The following AGBL1 variants were observed in gnomAD, a reference collection of about 807,000 sequenced individuals.
AGBL1 encodes cytosolic carboxypeptidase 4.
AGBL1 carries 130 observed loss-of-function variants against 118.9 expected under a neutral mutation model. That is an observed-to-expected ratio of 1.09 (90% CI 0.95 to 1.26). The LOEUF (loss-of-function observed/expected upper bound fraction) is 1.26. AGBL1 is among the 50% of genes most tolerant of loss of function. The pLI, the probability that AGBL1 is intolerant of heterozygous loss-of-function variation, is 0.00. For missense variants in AGBL1, 1,584 were observed against 1,298.1 expected, an observed-to-expected ratio of 1.22 and a Z score of -3.38; for synonymous variants, 555 against 478.9, an observed-to-expected ratio of 1.16 and a Z score of -2.08.
chr15:86,115,538 C>A (rs932884784), intron 1 of AGBL1, among the ~76,000 whole-genome samples: 11 of 152,076 alleles, frequency 7.2e-5, no homozygotes, highest in African/African-American at 2.4e-4. Context: ...TTTGTAAAGG[C>A]CGGAGGTAGT....
At chr15:86,152,723 C>A (rs574452837) in intron 3 of AGBL1, among the ~76,000 whole-genome samples, 6 of 152,136 alleles carry the variant, frequency 3.9e-5, no homozygotes, top group Non-Finnish European at 7.4e-5. Context: ...TCAGAGTGAA[C>A]AGGCATCCTA....
At chr15:86,978,215 T>A (rs944426038) in intron 23 of AGBL1, among the ~76,000 whole-genome samples, 1 of 152,124 alleles carries the variant, frequency 6.6e-6, no homozygotes, top group Non-Finnish European at 1.5e-5. Flanking sequence ...AAATGCCATA[T>A]ACAGACTTGC....
At chr15:86,157,286 A>G (rs16948762) in intron 4 of AGBL1, among the ~76,000 whole-genome samples, 9,731 of 152,230 alleles carry the variant, frequency 0.064, 484 homozygotes, top group East Asian at 0.25. Context: ...GCATACACCC[A>G]TCTCTAATAA....
intron 17 of AGBL1, among the ~76,000 whole-genome samples, chr15:86,359,387 C>CTTTTTTTTTTTTTTTT (rs56189861): frequency 3.2e-5 from 3 of 93,788 alleles, no homozygotes; most frequent in East Asian, 7.0e-4. Context: ...TATTGGTTTT[C>CTTTTTTTTTTTTTTTT]TTTTTTTTTT....
At chr15:86,731,198 G>T (rs115999329) in intron 22 of AGBL1, among the ~76,000 whole-genome samples, 90 of 152,190 alleles carry the variant, frequency 5.9e-4, no homozygotes, top group African/African-American at 2.0e-3. Flanking sequence ...ATTGAATTAT[G>T]TTCATAGCCT....
At chr15:86,439,600 A>G (rs1383504316) in intron 18 of AGBL1, among the ~76,000 whole-genome samples, 6 of 152,232 alleles carry the variant, frequency 3.9e-5, no homozygotes, top group Admixed American at 2.6e-4. Context: ...AGGAGTCAGC[A>G]AAGATCACTA....
In AGBL1 at chr15:86,939,957, C is replaced by G. The variant is rs77666586; in HGVS notation, c.3222-48030C>G. On this transcript the variant is annotated intron_variant, in intron 23 of 24. Coordinates refer to the AGBL1 transcript ENST00000441037. ...CCCAGGTGGAACCATTATTGATTCA[C>G]CACAGCCTTGACCTCCCAGGCTCAA... is the stretch of plus-strand genomic sequence containing the variant. Among the ~76,000 whole-genome samples the G allele has an allele frequency of 5.0e-3, 758 of 151,320 alleles. 3 individuals are homozygous for G. Among genetic ancestry groups the G allele is most frequent in the Non-Finnish European group, 7.4e-3 (500 of 67,834 alleles).
At chr15:86,726,758 T>A (rs2086824599) in intron 22 of AGBL1, among the ~76,000 whole-genome samples, 2 of 152,106 alleles carry the variant, frequency 1.3e-5, no homozygotes, top group African/African-American at 4.8e-5. Flanking sequence ...TCTCACTATG[T>A]TGCTAAGGCT....
At chr15:86,517,858 G>A (rs758738362) in intron 18 of AGBL1, among the ~76,000 whole-genome samples, 1 of 152,120 alleles carries the variant, frequency 6.6e-6, no homozygotes, top group Non-Finnish European at 1.5e-5. Flanking sequence ...TGCAGTGTCT[G>A]GCCGATAGTC....
chr15:86,477,034 G>A (rs1002271602), intron 18 of AGBL1, among the ~76,000 whole-genome samples: 26 of 152,140 alleles, frequency 1.7e-4, no homozygotes, highest in Non-Finnish European at 8.8e-5. Flanking sequence ...TGAAACCAAT[G>A]AGAACAAACA....
chr15:86,498,014 G>A (rs2082874708), intron 18 of AGBL1, among the ~76,000 whole-genome samples: 1 of 151,726 alleles, frequency 6.6e-6, no homozygotes, highest in Non-Finnish European at 1.5e-5. Context: ...TTTCTTGGAG[G>A]TATAATGAAT....
At chr15:86,450,016 T>C (rs908939563) in intron 18 of AGBL1, among the ~76,000 whole-genome samples, 1 of 152,170 alleles carries the variant, frequency 6.6e-6, no homozygotes, top group African/African-American at 2.4e-5. Context: ...CACCTACCCA[T>C]AGTCCTGCAT....
At chr15:87,014,786 T>C (rs982322646) in intron 24 of AGBL1, among the ~76,000 whole-genome samples, 1 of 152,178 alleles carries the variant, frequency 6.6e-6, no homozygotes, top group African/African-American at 2.4e-5. Flanking sequence ...CTCTGAATAC[T>C]ATGTCTATCT....
At chr15:86,725,953 C>T (rs2086811920) in intron 22 of AGBL1, among the ~76,000 whole-genome samples, 1 of 151,916 alleles carries the variant, frequency 6.6e-6, no homozygotes, top group Non-Finnish European at 1.5e-5. Context: ...CATTGTGTTC[C>T]CAGTACTAAT....
chr15:86,172,194 T>A (rs201927919), intron 5 of AGBL1, among the ~76,000 whole-genome samples: 6 of 152,080 alleles, frequency 3.9e-5, no homozygotes, highest in Non-Finnish European at 8.8e-5. Flanking sequence ...AATAAAAAAA[T>A]TAAAATTGTG....
chr15:86,986,562 AGG>A (rs2081284935), intron 23 of AGBL1, among the ~76,000 whole-genome samples: 5 of 152,034 alleles, frequency 3.3e-5, no homozygotes, highest in South Asian at 2.1e-4. Context: ...GAGGAGGAGG[AGG>A]AGGAAAAAGG....
At chr15:86,138,095 T>C (rs185991511) in intron 1 of AGBL1, among the ~76,000 whole-genome samples, 1 of 152,240 alleles carries the variant, frequency 6.6e-6, no homozygotes, top group African/African-American at 2.4e-5. Flanking sequence ...GAGGTGGGAA[T>C]AGAGATATGA....
chr15:86,234,851 TGGAGGTTTCA>T (rs1414331754), intron 6 of AGBL1, among the ~76,000 whole-genome samples: 1 of 152,204 alleles, frequency 6.6e-6, no homozygotes, highest in Non-Finnish European at 1.5e-5. Context: ...TCAAAAGTCC[TGGAGGTTTCA>T]GGAAGTGATG....
chr15:86,589,040 C>A (rs2084296283), intron 21 of AGBL1, among the ~76,000 whole-genome samples: 1 of 151,908 alleles, frequency 6.6e-6, no homozygotes, highest in Non-Finnish European at 1.5e-5. Context: ...TATATATACA[C>A]TGTGTGCATG....
Sources: allele counts gnomAD v4.1 joint callset (sites outside exome capture counted in the v4.1 genomes callset), GRCh38; gene constraint gnomAD v4.1.1; transcripts MANE v1.5; gene names NCBI Gene and HGNC (gene_info 2026-07-23, HGNC 2026-07-21).